NOX4: variants seen among roughly 807,000 people sequenced by gnomAD.
The protein encoded by NOX4 is kidney oxidase-1.
A neutral mutation model predicts 87.6 loss-of-function variants in NOX4; 69 were observed. The ratio of observed to expected loss-of-function variants is 0.79; its 90% confidence interval spans 0.65 to 0.96. The LOEUF is 0.96. Among genes scored for constraint, NOX4 ranks in the 40% least tolerant of loss-of-function variants. The probability of loss-of-function intolerance (pLI) is 0.00; values close to 1 mark genes in which losing one functional copy is unlikely to be tolerated. For synonymous variants in NOX4, 275 were observed against 238.2 expected (o/e 1.15, Z -1.42); for missense variants, 680 against 681.5 (o/e 1.00, Z 0.02).
chr11:89,403,162 G>A (rs1453994765), intron 8 of NOX4, among the ~76,000 whole-genome samples: 1 of 152,084 alleles, frequency 6.6e-6, no homozygotes, highest in African/African-American at 2.4e-5. Context: ...AGGCAGGAGA[G>A]CCCACACCAT....
At chr11:89,336,721 C>T (rs1057311547) in intron 16 of NOX4, among the ~76,000 whole-genome samples, 6 of 151,840 alleles carry the variant, frequency 4.0e-5, no homozygotes, top group African/African-American at 1.5e-4. Flanking sequence ...TGACTTACTT[C>T]GTGAGACTGG....
chr11:89,465,456 T>G (rs918243999), intron 2 of NOX4, among the ~76,000 whole-genome samples: 2 of 152,196 alleles, frequency 1.3e-5, no homozygotes, highest in African/African-American at 4.8e-5. Context: ...CATGTGCATG[T>G]GTCTTTATAG....
intron 12 of NOX4, among the ~76,000 whole-genome samples, chr11:89,362,089 C>T (rs1938567700): frequency 6.6e-6 from 1 of 151,992 alleles, no homozygotes; most frequent in African/African-American, 2.4e-5. Flanking sequence ...GTTTCAAATT[C>T]TTCCTTCCCC....
At position 89,351,706 on chromosome 11, in the gene NOX4, G is replaced by A. The variant is rs548772327; in HGVS notation, c.1217+3256C>T. ...ATAAATAAAAGAACAAAGTCCAGACGAAAACACATCTGTTTATAGATAGCA... is the reference window on the plus strand; with the variant it reads ...ATAAATAAAAGAACAAAGTCCAGACAAAAACACATCTGTTTATAGATAGCA... On this transcript the variant is annotated intron_variant, in intron 13 of 17. Transcript: ENST00000263317. Among the ~76,000 whole-genome samples the A allele has an allele frequency of 9.9e-5, 15 of 152,060 alleles. No homozygotes were observed. In the South Asian group the frequency reaches 1.5e-3, roughly 15 times the overall value.
the NOX4 span, among the ~76,000 whole-genome samples, chr11:89,540,785 CTAAAAAAAAAAAAAAA>C: frequency 2.0e-4 from 10 of 48,978 alleles, no homozygotes; most frequent in East Asian, 3.2e-3. Context: ...AAGACTCCGT[CTAAAAAAAAAAAAAAA>C]AAAAAAAAAA....
At chr11:89,555,960 A>C in the NOX4 span, among the ~76,000 whole-genome samples, 1 of 152,162 alleles carries the variant, frequency 6.6e-6, no homozygotes, top group East Asian at 1.9e-4. Context: ...ACAAAAAGTA[A>C]ACTAGCATTG....
chr11:89,399,815 A>G (rs1303047882), intron 11 of NOX4, among the ~76,000 whole-genome samples: 1 of 151,822 alleles, frequency 6.6e-6, no homozygotes, highest in Non-Finnish European at 1.5e-5. Flanking sequence ...TACTTCCTGA[A>G]TTGCAAGGTG....
chr11:89,467,707 C>T (rs1418273689), intron 2 of NOX4, among the ~76,000 whole-genome samples: 2 of 152,164 alleles, frequency 1.3e-5, no homozygotes, highest in East Asian at 3.9e-4. Context: ...CTTCCCAACA[C>T]TATTGCCTTA....
At chr11:89,441,939 T>A (rs182625154) in intron 5 of NOX4, among the ~76,000 whole-genome samples, 2,379 of 126,620 alleles carry the variant, frequency 0.019, 72 homozygotes, top group African/African-American at 0.072. Flanking sequence ...AAATAACATA[T>A]GTGTTGACTA....
intron 4 of NOX4, among the ~76,000 whole-genome samples, chr11:89,448,063 C>T (rs1185930691): frequency 6.6e-6 from 1 of 152,126 alleles, no homozygotes; most frequent in Non-Finnish European, 1.5e-5. Flanking sequence ...AAATAATGGC[C>T]AGGTGAAAAT....
chr11:89,339,111 T>C (rs150312513), intron 15 of NOX4, among the ~76,000 whole-genome samples: 3,872 of 152,176 alleles, frequency 0.025, 175 homozygotes, highest in African/African-American at 0.088. Context: ...ACTGAATGAG[T>C]GAATGCATGC....
chr11:89,391,023 GCT>G (rs1941083876), intron 11 of NOX4, among the ~76,000 whole-genome samples: 1 of 152,088 alleles, frequency 6.6e-6, no homozygotes, highest in Non-Finnish European at 1.5e-5. Context: ...GGGGAAGGAG[GCT>G]CTGTCTACAA....
At chr11:89,584,426 C>A in the NOX4 span, among the ~76,000 whole-genome samples, 1 of 152,106 alleles carries the variant, frequency 6.6e-6, no homozygotes, top group African/African-American at 2.4e-5. Flanking sequence ...TAAATGGACT[C>A]ATTTTACTTT....
chr11:89,366,852 A>G (rs1377570874), intron 12 of NOX4, among the ~76,000 whole-genome samples: 2 of 152,118 alleles, frequency 1.3e-5, no homozygotes, highest in Non-Finnish European at 2.9e-5. Flanking sequence ...ATATTTCTGT[A>G]GTATTTTAAG....
chr11:89,335,755 C>T (rs1945679613), intron 17 of NOX4, 90 bp downstream of exon 17: 5 of 597,376 alleles, frequency 8.4e-6, no homozygotes, highest in Non-Finnish European at 1.1e-5. Flanking sequence ...AAACTCATTG[C>T]CAATTCATTT....
intron 6 of NOX4, among the ~76,000 whole-genome samples, chr11:89,434,259 C>T (rs998471180): frequency 6.6e-6 from 1 of 152,148 alleles, no homozygotes; most frequent in South Asian, 2.1e-4. Flanking sequence ...AAACAAATTT[C>T]ACTTATAAAG....
At chr11:89,340,517 T>C (rs1335466823) in intron 14 of NOX4, among the ~76,000 whole-genome samples, 1 of 152,212 alleles carries the variant, frequency 6.6e-6, no homozygotes, top group Non-Finnish European at 1.5e-5. Flanking sequence ...TATTGGGCTC[T>C]GCATCTCAGA....
chr11:89,375,719 G>A (rs1417098446), intron 11 of NOX4, among the ~76,000 whole-genome samples: 1 of 152,094 alleles, frequency 6.6e-6, no homozygotes, highest in Non-Finnish European at 1.5e-5. Context: ...ACTACTGAAG[G>A]CTGACCAGAG....
At chr11:89,334,433 T>C (rs1945611885) in intron 17 of NOX4, among the ~76,000 whole-genome samples, 1 of 151,814 alleles carries the variant, frequency 6.6e-6, no homozygotes, top group African/African-American at 2.4e-5. Context: ...TAAACATGAC[T>C]GTAATCTGAA....
Sources: allele counts gnomAD v4.1 joint callset (sites outside exome capture counted in the v4.1 genomes callset), GRCh38; gene constraint gnomAD v4.1.1; transcripts MANE v1.5; gene names NCBI Gene and HGNC (gene_info 2026-07-23, HGNC 2026-07-21).